The following ZNF829 variants were observed in gnomAD, a reference collection of about 807,000 sequenced individuals.
The protein encoded by ZNF829 is zinc finger protein 829.
Under a neutral mutation model 35.2 loss-of-function variants are expected in ZNF829, and 25 were observed. The observed-to-expected ratio is 0.71, with a 90% confidence interval of 0.52 to 0.99. The LOEUF is 0.99. Ranked by LOEUF, ZNF829 falls within the 50% of genes least tolerant of loss-of-function variation. The pLI, the probability that ZNF829 is intolerant of heterozygous loss-of-function variation, is 0.00. For synonymous variants in ZNF829, 136 were observed against 163.2 expected, an observed-to-expected ratio of 0.83 and a Z score of 1.27; for missense variants, 417 against 515.3, an observed-to-expected ratio of 0.81 and a Z score of 1.85.
chr19:36,916,115 C>A lies in ZNF829; in HGVS notation c.-189G>T, dbSNP rs34380733. 0.05 allele frequency: 28,772 copies of A among 570,730 alleles called. 931 individuals carry two copies. The highest frequency in any genetic ancestry group is 0.062 in the Non-Finnish European group (20,788 of 332,650). 35.4% of individuals were successfully genotyped at this position (570,730 alleles called of 1,614,324 possible). On this transcript the variant is annotated 5_prime_UTR_variant, in exon 1 of 6. Transcript: ENST00000391711. The surrounding 1 kb of genome is among the most constrained non-coding windows in gnomAD (Gnocchi z 5.3). ...TGGGAAATGTAGTCCAGAGCGGGAC[C>A]CACGCCGATTCCTGTCAGCTCCTCG...
At chr19:36,892,815 C>A (rs1318727785) in intron 5 of ZNF829, 6 of 776,998 alleles carry the variant, frequency 7.7e-6, no homozygotes, top group Non-Finnish European at 1.1e-5. Flanking sequence ...GCCCCCACCC[C>A]AGATCCCCCA....
At chr19:36,897,633 G>A (rs1416889529) in intron 5 of ZNF829, among the ~76,000 whole-genome samples, 1 of 152,046 alleles carries the variant, frequency 6.6e-6, no homozygotes, top group African/African-American at 2.4e-5. Flanking sequence ...TCTAAGAACT[G>A]GAACAAGATA....
intron 3 of ZNF829, among the ~76,000 whole-genome samples, chr19:36,912,028 CAAGA>C (rs2073268683): frequency 6.6e-6 from 1 of 152,158 alleles, no homozygotes; most frequent in African/African-American, 2.4e-5. Flanking sequence ...CAAAACAAGT[CAAGA>C]AAGACTTTTC....
intron 5 of ZNF829, among the ~76,000 whole-genome samples, chr19:36,895,995 T>G (rs1352940333): frequency 1.3e-5 from 2 of 152,094 alleles, no homozygotes; most frequent in African/African-American, 2.4e-5. Context: ...GACGAAACCC[T>G]GTCTCTACTA....
intron 5 of ZNF829, chr19:36,907,692 C>T (rs1005667877): frequency 2.7e-6 from 1 of 376,890 alleles, no homozygotes; most frequent in African/African-American, 2.2e-5. Flanking sequence ...TTATACAAAT[C>T]TAAACGTAGC....
At chr19:36,895,120 G>A (rs747688657) in intron 5 of ZNF829, among the ~76,000 whole-genome samples, 1 of 152,160 alleles carries the variant, frequency 6.6e-6, no homozygotes, top group African/African-American at 2.4e-5. Flanking sequence ...AGAACTAGTA[G>A]CAGATACCTT....
Position 36,916,035 on chromosome 19 carries a change from G to T in ZNF829, c.-109C>A. The T allele has an allele frequency of 8.9e-7, 1 of 1,121,422 alleles. No individual in the cohort carries two copies. Among genetic ancestry groups the T allele is most frequent in the Non-Finnish European group, 1.2e-6 (1 of 814,608 alleles). The allele number at this position is 1,121,422 out of a possible 1,614,324, so 69.5% of individuals were successfully genotyped here. Reference sequence around the variant, plus strand: ...CCTCCCAGATCTAAGGGTCCCGCCAGGAGTGACGAAACGTTCGAATTCCTG... The same window carrying T: ...CCTCCCAGATCTAAGGGTCCCGCCATGAGTGACGAAACGTTCGAATTCCTG... On this transcript the variant is annotated 5_prime_UTR_variant, in exon 1 of 6. It adds an upstream start codon to the 5' untranslated region. Coordinates refer to ENST00000391711, the MANE Select transcript of ZNF829 (RefSeq NM_001037232.4). The surrounding 1 kb of genome is among the most constrained non-coding windows in gnomAD (Gnocchi z 5.3).
At chr19:36,910,656 A>T (rs574092097) in intron 3 of ZNF829, among the ~76,000 whole-genome samples, 1 of 152,100 alleles carries the variant, frequency 6.6e-6, no homozygotes, top group Non-Finnish European at 1.5e-5. Context: ...CCTTCCCCAT[A>T]CCTTGCCCTA....
chr19:36,909,575 G>A (rs556222761), intron 3 of ZNF829, among the ~76,000 whole-genome samples: 22 of 152,182 alleles, frequency 1.4e-4, no homozygotes, highest in Admixed American at 7.9e-4. Context: ...TTGGGAGGCC[G>A]AGGCAGGAGG....
intron 5 of ZNF829, chr19:36,893,118 G>A (rs755003804): frequency 2.5e-6 from 1 of 397,518 alleles, no homozygotes; most frequent in Non-Finnish European, 4.4e-6. Flanking sequence ...CAAATGTGTT[G>A]AAAGGTTTAA....
At position 36,891,151 on chromosome 19, in the gene ZNF829, G is replaced by A. The variant is rs1024478024; in HGVS notation, c.*341C>T. ...AGCGAGAATGCAATGTGAAGATGGA[G>A]GCAGAGATTGGAATGGTGTATGTAA... is the stretch of plus-strand genomic sequence containing the variant. On this transcript the variant is annotated 3_prime_UTR_variant, in exon 6 of 6. Transcript: ENST00000391711. The A allele has an allele frequency of 1.0e-5, 2 of 197,892 alleles. No homozygotes were observed. The highest frequency in any genetic ancestry group is 2.0e-5 in the Non-Finnish European group (2 of 98,832). The allele number at this position is 197,892 out of a possible 1,614,324, so 12.3% of individuals were successfully genotyped here. A position where few individuals can be genotyped will look rare whatever the true frequency, so the allele number is the denominator to read the frequency against.
rs1354772473 is a variant in ZNF829, at chr19:36,889,386, T to C, written c.*2106A>G. 1 of 152,164 alleles carries C rather than the reference T, an allele frequency of 6.6e-6. No homozygotes were observed. Among genetic ancestry groups the C allele is most frequent in the African/African-American group, 2.4e-5 (1 of 41,460 alleles). The allele number at this position is 152,164 out of a possible 1,614,324, so 9.4% of individuals were successfully genotyped here. On this transcript the variant is annotated 3_prime_UTR_variant, in exon 6 of 6. Transcript: ENST00000391711. ...GTGCTGTTACTAGTTCTTCCTTGCA[T>C]GTCTAGTAGAATTCAGCTGTGAATC...
rs781088904 is a variant in ZNF829, at chr19:36,891,952, C to T, written c.839G>A (p.Ser280Asn). ...CKVCGKAFTK[S>N]SQLFLHLRIH... Reference sequence around the variant, plus strand: ...TCTCAGATGTAGAAAAAGTTGTGAACTTTTAGTAAAGGCTTTTCCACATAC... The same window carrying T: ...TCTCAGATGTAGAAAAAGTTGTGAATTTTTAGTAAAGGCTTTTCCACATAC... Residue 280 changes from serine (S) to asparagine (N), a missense_variant, in exon 6 of 6, where the codon AGT becomes AAT. Transcript: ENST00000391711. The T allele has an allele frequency of 9.9e-6, 16 of 1,613,804 alleles. No individual in the cohort carries two copies. The Admixed American group carries it at 1.7e-4, about 17-fold the overall frequency.
intron 3 of ZNF829, among the ~76,000 whole-genome samples, chr19:36,910,408 G>A (rs559780061): frequency 2.0e-5 from 3 of 152,238 alleles, no homozygotes; most frequent in South Asian, 2.1e-4. Context: ...TTTAAAATGC[G>A]AAATGGGTTA....
rs16971769 is a variant in ZNF829 at position 36,902,244 on chromosome 19, A to G, written c.319+5685T>C. ...CCTCACAAGAACTGCTAGCTCAAAA[A>G]CAGAAATTTTTAAAAAGACTGGCTT... On this transcript the variant is annotated intron_variant, in intron 5 of 5. Transcript: ENST00000391711. 981 of 169,234 alleles carry G rather than the reference A, an allele frequency of 5.8e-3. 28 individuals carry two copies. Among genetic ancestry groups the G allele is most frequent in the East Asian group, 0.048 (276 of 5,736 alleles). The allele number at this position is 169,234 out of a possible 1,614,324, so 10.5% of individuals were successfully genotyped here.
chr19:36,891,697 G>T lies in ZNF829; in HGVS notation c.1094C>A (p.Ser365Ter). The T allele has an allele frequency of 6.2e-7, 1 of 1,613,952 alleles. No individual in the cohort carries two copies. Among genetic ancestry groups the T allele is most frequent in the Non-Finnish European group, 8.5e-7 (1 of 1,179,946 alleles). ...GATTCTCTGATGTTGAATAAGTTCT[G>T]AGCTCTGAATAAAGGCCTTTCTACA... ...EECRKAFIQS[S>*]ELIQHQRIHT... Residue 365 changes from serine to a stop codon, truncating the protein, a stop_gained, in exon 6 of 6, where the codon TCA (serine) becomes TAA (stop). Transcript: ENST00000391711. LOFTEE classifies it high-confidence loss of function.
chr19:36,915,418 T>C (rs533397521), intron 1 of ZNF829, among the ~76,000 whole-genome samples, 167 bp from the exon 2 acceptor site: 82 of 151,908 alleles, frequency 5.4e-4, no homozygotes, highest in Non-Finnish European at 1.1e-3. Context: ...ATACACACCA[T>C]AGGAAACACA....
rs1276063432 is a variant in ZNF829, at chr19:36,892,120, C to T, written c.671G>A (p.Ser224Asn). The change falls in exon 6 of 6, where the codon AGT becomes AAT. Residue 224 changes from serine to asparagine, a missense_variant. By Grantham distance (46) the Ser-to-Asn change is conservative. Coordinates refer to ENST00000391711, the MANE Select transcript of ZNF829 (RefSeq NM_001037232.4). ...CKECGKAFSC[S>N]SYFSQHQRIH... is the part of the protein sequence containing the mutation. ...CCTCTGATGTTGAGAAAAATATGAA[C>T]TACAACTAAAAGCCTTGCCACATTC... The T allele has an allele frequency of 1.2e-6, 2 of 1,614,016 alleles. No individual in the cohort carries two copies. The highest frequency in any genetic ancestry group is 1.6e-4 in the Middle Eastern group (1 of 6,062).
At chr19:36,904,883 G>T (rs2073203066) in intron 5 of ZNF829, among the ~76,000 whole-genome samples, 1 of 152,178 alleles carries the variant, frequency 6.6e-6, no homozygotes. Flanking sequence ...TGGTAGGGAG[G>T]AAAAGTGGTA....
Sources: allele counts gnomAD v4.1 joint callset (sites outside exome capture counted in the v4.1 genomes callset), GRCh38; gene constraint gnomAD v4.1.1; non-coding constraint Gnocchi (gnomAD v3.1); transcripts MANE v1.5; gene names NCBI Gene and HGNC (gene_info 2026-07-23, HGNC 2026-07-21).